NRXN1: variants seen among roughly 807,000 people sequenced by gnomAD.
NRXN1 encodes neurexin 1, also known as neurexin-1.
NRXN1 carries 39 observed loss-of-function variants against 150.9 expected under a neutral mutation model. That is an observed-to-expected ratio of 0.26 (90% CI 0.20 to 0.34). The LOEUF is 0.34. Ranked by LOEUF, NRXN1 falls within the 10% of genes least tolerant of loss-of-function variation. NRXN1 has a pLI of 1.00. For synonymous variants in NRXN1, 924 were observed against 757.0 expected (o/e 1.22, Z -3.62); for missense variants, 1,815 against 1,949.9 (o/e 0.93, Z 1.30).
intron 17 of NRXN1, among the ~76,000 whole-genome samples, chr2:50,281,909 A>G (rs1197178001): frequency 6.6e-6 from 1 of 152,164 alleles, no homozygotes; most frequent in Non-Finnish European, 1.5e-5. Context: ...CATATCAATA[A>G]GACAGAGTTT....
At chr2:49,993,753 A>G (rs1411576434) in intron 21 of NRXN1, among the ~76,000 whole-genome samples, 1 of 152,232 alleles carries the variant, frequency 6.6e-6, no homozygotes, top group Non-Finnish European at 1.5e-5. Flanking sequence ...AAATCATGGA[A>G]AAAATAGAAA....
intron 8 of NRXN1, among the ~76,000 whole-genome samples, chr2:50,609,823 T>C (rs1481251968): frequency 6.6e-6 from 1 of 152,136 alleles, no homozygotes; most frequent in Non-Finnish European, 1.5e-5. Context: ...AATTGTCTTA[T>C]ATCCCTAGTA....
chr2:50,211,457 A>G (rs2063007430), intron 18 of NRXN1, among the ~76,000 whole-genome samples: 1 of 151,596 alleles, frequency 6.6e-6, no homozygotes, highest in African/African-American at 2.4e-5. Context: ...TCCTATATCA[A>G]CAGACTATTA....
chr2:50,135,690 CA>C, intron 18 of NRXN1, among the ~76,000 whole-genome samples: 1 of 151,344 alleles, frequency 6.6e-6, no homozygotes, highest in East Asian at 2.0e-4. Context: ...GACTCCATCT[CA>C]AAAAACAAAA....
At position 50,798,233 on chromosome 2, in the gene NRXN1, G is replaced by A. The variant is rs548384754; in HGVS notation, c.832+123636C>T. Among the ~76,000 whole-genome samples, 20 of 152,146 alleles carry A rather than the reference G, an allele frequency of 1.3e-4. No individual in the cohort carries two copies. In the South Asian group the frequency reaches 2.1e-3, roughly 16 times the overall value. On this transcript the variant is annotated intron_variant, in intron 5 of 22. Coordinates refer to ENST00000401669, the MANE Select transcript of NRXN1 (RefSeq NM_001330078.2). ...TGGTTAATATAGTTGTTATGATCTC[G>A]AAAATGCAGACCCTCAAAATCCCAA... is the stretch of plus-strand genomic sequence containing the variant.
chr2:50,685,195 A>G (rs1162596104), intron 5 of NRXN1, among the ~76,000 whole-genome samples: 1 of 152,118 alleles, frequency 6.6e-6, no homozygotes, highest in Non-Finnish European at 1.5e-5. Flanking sequence ...CTAAGATGCT[A>G]TTTTGGTTGT....
At chr2:50,985,954 T>G (rs1697631944) in intron 2 of NRXN1, among the ~76,000 whole-genome samples, 1 of 151,658 alleles carries the variant, frequency 6.6e-6, no homozygotes, top group African/African-American at 2.4e-5. Context: ...TGAGCAGGGA[T>G]ATAAACAGAA....
intron 2 of NRXN1, chr2:51,026,520 C>T: frequency 2.4e-6 from 3 of 1,248,158 alleles, no homozygotes; most frequent in Non-Finnish European, 3.4e-6. Context: ...TTTAATGCCA[C>T]ACTGTTTTAA....
In NRXN1 at chr2:50,383,619, T is replaced by C. The variant is rs143769516; in HGVS notation, c.3364+81823A>G. On this transcript the variant is annotated intron_variant, in intron 17 of 22. Coordinates refer to ENST00000401669, the MANE Select transcript of NRXN1 (RefSeq NM_001330078.2). ...CACACCCCCTACTATGGCTTTATTTTCTTCTCAGAAAGAATAAACCTGACA... is the reference window on the plus strand; with the variant it reads ...CACACCCCCTACTATGGCTTTATTTCCTTCTCAGAAAGAATAAACCTGACA... 2.1e-4 allele frequency among the ~76,000 whole-genome samples: 32 copies of C among 152,314 alleles called. 2 individuals are homozygous for C. Among genetic ancestry groups the C allele is most frequent in the African/African-American group, 7.7e-4 (32 of 41,576 alleles).
Position 50,610,661 on chromosome 2 carries a change from A to G in NRXN1, c.1320+9361T>C, listed in dbSNP as rs987751471. Among the ~76,000 whole-genome samples the G allele has an allele frequency of 3.7e-4, 46 of 124,684 alleles. 1 individual carries two copies. The highest frequency in any genetic ancestry group is 6.9e-4 in the Non-Finnish European group (41 of 59,328). The allele number at this position is 124,684 out of a possible 152,430, so 81.8% of individuals were successfully genotyped here. ...TAGATACATATATATATATATATAT[A>G]TATATATATATATATATCTGTACAA... On this transcript the variant is annotated intron_variant, in intron 8 of 22. Transcript: ENST00000401669.
At chr2:50,204,224 T>C (rs1035872325) in intron 18 of NRXN1, among the ~76,000 whole-genome samples, 3 of 152,088 alleles carry the variant, frequency 2.0e-5, no homozygotes, top group African/African-American at 7.2e-5. Flanking sequence ...AGTTAAAATT[T>C]GAAAGAAATA....
Position 50,460,296 on chromosome 2 carries a change from G to A in NRXN1, c.3364+5146C>T, listed in dbSNP as rs143216607. On this transcript the variant is annotated intron_variant, in intron 17 of 22. Coordinates refer to ENST00000401669, the MANE Select transcript of NRXN1 (RefSeq NM_001330078.2). ...AGCATACTAGCAGGAAAATCCATAG[G>A]TGAAGAAAACATTCTGACTGGGTTT... Among the ~76,000 whole-genome samples, 89 of 152,192 alleles carry A rather than the reference G, an allele frequency of 5.8e-4. 2 individuals carry two copies. The East Asian group carries it at 0.016, about 28-fold the overall frequency.
chr2:50,958,954 T>C (rs554827471), intron 2 of NRXN1, among the ~76,000 whole-genome samples: 14 of 152,158 alleles, frequency 9.2e-5, no homozygotes, highest in Admixed American at 2.6e-4. Flanking sequence ...TTAATTATGA[T>C]GTGGTATCAT....
intron 18 of NRXN1, among the ~76,000 whole-genome samples, chr2:50,141,890 C>T (rs950974861): frequency 4.0e-5 from 6 of 151,798 alleles, no homozygotes; most frequent in South Asian, 2.1e-4. Flanking sequence ...GAAAACAATA[C>T]GTAGATTTCT....
At chr2:50,552,511 G>A in intron 9 of NRXN1, 76 bp downstream of exon 9, 1 of 1,141,382 alleles carries the variant, frequency 8.8e-7, no homozygotes, top group East Asian at 2.4e-5. Context: ...ATATGTCTTG[G>A]TTTTCACTTT....
intron 17 of NRXN1, among the ~76,000 whole-genome samples, chr2:50,272,628 A>G (rs1328106708): frequency 6.6e-6 from 1 of 152,170 alleles, no homozygotes; most frequent in Admixed American, 6.5e-5. Flanking sequence ...AAAATGGAAG[A>G]GTAAATAAAA....
chr2:50,331,425 G>C (rs913944141), intron 17 of NRXN1, among the ~76,000 whole-genome samples: 3 of 152,086 alleles, frequency 2.0e-5, no homozygotes, highest in African/African-American at 7.2e-5. Flanking sequence ...AGTTGTGTGT[G>C]TGCATGCATA....
intron 2 of NRXN1, among the ~76,000 whole-genome samples, chr2:50,990,363 A>T (rs1160135179): frequency 6.6e-6 from 1 of 152,064 alleles, no homozygotes; most frequent in Non-Finnish European, 1.5e-5. Context: ...TTCCCTTTAT[A>T]AATGTCAATG....
At chr2:51,013,581 A>T (rs890951747) in intron 2 of NRXN1, among the ~76,000 whole-genome samples, 2 of 151,954 alleles carry the variant, frequency 1.3e-5, no homozygotes, top group Non-Finnish European at 2.9e-5. Context: ...AATTATTTAC[A>T]TAACTACAGA....
Sources: gnomAD v4.1 joint callset for allele counts (sites outside exome capture counted in the v4.1 genomes callset) on GRCh38, gnomAD v4.1.1 for gene constraint, MANE v1.5 for transcripts, NCBI Gene and HGNC (gene_info 2026-07-23, HGNC 2026-07-21) for gene names.